Variants in SUPT4H1 observed in about 807,000 individuals in gnomAD.
SUPT4H1 encodes the protein SPT4 homolog, DSIF elongation factor subunit.
In SUPT4H1, 12 loss-of-function variants were observed where a neutral mutation model predicts 19.4. That is an observed-to-expected ratio of 0.62 (90% CI 0.40 to 1.00). The LOEUF (loss-of-function observed/expected upper bound fraction) is 1.00. Among genes scored for constraint, SUPT4H1 ranks in the 50% least tolerant of loss-of-function variants. SUPT4H1 has a pLI of 0.00. For synonymous variants in SUPT4H1, 58 were observed against 56.3 expected, an observed-to-expected ratio of 1.03 and a Z score of -0.14; for missense variants, 115 against 149.2, an observed-to-expected ratio of 0.77 and a Z score of 1.19.
intron 1 of SUPT4H1, 25 bp downstream of exon 1, chr17:58,352,042 C>T (rs1972547593): frequency 6.2e-7 from 1 of 1,613,884 alleles, no homozygotes; most frequent in African/African-American, 1.3e-5. Context: ...CCCATGGGCC[C>T]TACAACCAGG....
chr17:58,347,071 C>G, intron 4 of SUPT4H1, 117 bp downstream of exon 4: 2 of 1,001,762 alleles, frequency 2.0e-6, no homozygotes, highest in African/African-American at 1.6e-5. Flanking sequence ...GTGCCTGGTT[C>G]CCCCCATCTG....
intron 1 of SUPT4H1, chr17:58,351,718 T>C: frequency 1.7e-6 from 1 of 580,560 alleles, no homozygotes. Flanking sequence ...TTCCGTTTTA[T>C]CTATTCCTTT....
At chr17:58,347,382 G>C in intron 3 of SUPT4H1, 141 bp from the exon 4 acceptor site, 1 of 1,316,890 alleles carries the variant, frequency 7.6e-7, no homozygotes, top group Admixed American at 1.7e-5. Flanking sequence ...AAATGACAAG[G>C]CACAGGACAC....
At position 58,347,564 on chromosome 17, in the gene SUPT4H1, G is replaced by C. The variant is rs1972338909; in HGVS notation, c.197C>G (p.Pro66Arg). ...SFDGIIAMMS[P>R]EDSWVSKWQR... ...CCACTTGGAGACCCAGCTGTCCTCT[G>C]GACTCATCATCGCAATGATTCTAGG... The change falls in exon 3 of 5, where the codon CCA (proline) becomes CGA (arginine). Residue 66 changes from proline (P) to arginine (R), a missense_variant. By Grantham distance (103) the Pro-to-Arg change is moderately radical. Coordinates refer to ENST00000225504, the MANE Select transcript of SUPT4H1 (RefSeq NM_003168.3). The C allele has an allele frequency of 6.2e-7, 1 of 1,614,154 alleles. No individual in the cohort carries two copies. The highest frequency in any genetic ancestry group is 8.5e-7 in the Non-Finnish European group (1 of 1,180,024).
chr17:58,351,368 G>A, intron 2 of SUPT4H1, 34 bp downstream of exon 2: 10 of 1,482,374 alleles, frequency 6.7e-6, no homozygotes, highest in Non-Finnish European at 9.4e-6. Flanking sequence ...GTTGGGTAAT[G>A]CAGAAGTGAA....
Position 58,346,048 on chromosome 17 carries a change from C to G in SUPT4H1, c.*198G>C. ...CTCTCCTCAATTCCATCTGTTAATC[C>G]ACCAACCCAAATCCCTCCCACCCCA... On this transcript the variant is annotated 3_prime_UTR_variant, in exon 5 of 5. Coordinates refer to ENST00000225504, the MANE Select transcript of SUPT4H1 (RefSeq NM_003168.3). 1 of 546,872 alleles carries G rather than the reference C, an allele frequency of 1.8e-6. No individual in the cohort carries two copies. 33.9% of individuals were successfully genotyped at this position (546,872 alleles called of 1,614,324 possible). A position where few individuals can be genotyped will look rare whatever the true frequency, so the allele number is the denominator to read the frequency against.
At chr17:58,348,629 C>G (rs1456951512) in intron 2 of SUPT4H1, among the ~76,000 whole-genome samples, 1 of 152,188 alleles carries the variant, frequency 6.6e-6, no homozygotes, top group African/African-American at 2.4e-5. Context: ...TTAACCTAAA[C>G]AGAATTCCCA....
At chr17:58,350,446 G>C (rs1972456418) in intron 2 of SUPT4H1, among the ~76,000 whole-genome samples, 1 of 151,746 alleles carries the variant, frequency 6.6e-6, no homozygotes, top group African/African-American at 2.4e-5. Context: ...GGGAGGCGGA[G>C]GTTGCAGTGA....
chr17:58,351,427 CAT>C lies in SUPT4H1; in HGVS notation c.149_150del (p.Tyr50Ter). On this transcript the variant is annotated frameshift_variant, in exon 2 of 5. Coordinates refer to ENST00000225504, the MANE Select transcript of SUPT4H1 (RefSeq NM_003168.3). LOFTEE classifies it high-confidence loss of function. ...LQMKGNREMV[Y>X]DCTSSSFDGI... ...CCATCAAAGGAAGAGCTAGTGCAGT[CAT>C]ATACCATCTCTCGGTTACCCTTCAT... 6.2e-7 allele frequency: 1 copy of C among 1,613,748 alleles called. No homozygotes were observed. Among genetic ancestry groups the C allele is most frequent in the South Asian group, 1.1e-5 (1 of 91,040 alleles).
chr17:58,347,286 A>G, intron 3 of SUPT4H1, 45 bp from the exon 4 acceptor site: 1 of 1,600,404 alleles, frequency 6.2e-7, no homozygotes, highest in Non-Finnish European at 8.6e-7. Flanking sequence ...GAAGTTAGTT[A>G]AGACTCAAGA....
intron 1 of SUPT4H1, 185 bp downstream of exon 1, chr17:58,351,882 C>A: frequency 1.6e-6 from 1 of 638,328 alleles, no homozygotes. Context: ...CGCCCCTGCC[C>A]TCAGCTGCAA....
In SUPT4H1 at chr17:58,347,512, G is replaced by C. The variant is rs941239693; in HGVS notation, c.232+17C>G. The C allele has an allele frequency of 6.2e-7, 1 of 1,613,990 alleles. No homozygotes were observed. Among genetic ancestry groups the C allele is most frequent in the Non-Finnish European group, 8.5e-7 (1 of 1,179,970 alleles). On this transcript the variant is annotated intron_variant, in intron 3 of 4. Coordinates refer to ENST00000225504, the MANE Select transcript of SUPT4H1 (RefSeq NM_003168.3). ...CAACACTACAACTAAGCCAAAAGGA[G>C]ACAGGCCAACACTTACTGACTCGCT...
chr17:58,348,453 C>T (rs556653137), intron 2 of SUPT4H1, among the ~76,000 whole-genome samples: 81 of 152,200 alleles, frequency 5.3e-4, no homozygotes, highest in Non-Finnish European at 7.1e-4. Flanking sequence ...TAAGTGGAAC[C>T]GACCCTACCT....
At chr17:58,346,557 C>CA (rs1464440649) in intron 4 of SUPT4H1, among the ~76,000 whole-genome samples, 2 of 151,668 alleles carry the variant, frequency 1.3e-5, no homozygotes, top group African/African-American at 2.4e-5. Context: ...CCCATCTCTA[C>CA]AAAAAAATTT....
chr17:58,347,494 A>G (rs1972335667), intron 3 of SUPT4H1, 35 bp downstream of exon 3: 2 of 1,613,134 alleles, frequency 1.2e-6, no homozygotes, highest in Non-Finnish European at 1.7e-6. Context: ...TAACAACACT[A>G]CAACTAAGCC....
intron 2 of SUPT4H1, among the ~76,000 whole-genome samples, chr17:58,349,671 A>T (rs778569075): frequency 2.6e-5 from 4 of 152,266 alleles, no homozygotes; most frequent in Non-Finnish European, 5.9e-5. Context: ...GCAGCAGAAC[A>T]TGCTATACAC....
chr17:58,347,644 T>C, intron 2 of SUPT4H1, 60 bp from the exon 3 acceptor site: 3 of 1,552,868 alleles, frequency 1.9e-6, no homozygotes, highest in Non-Finnish European at 2.7e-6. Context: ...AGCTCAATTC[T>C]GAGAGAGGAA....
rs1351702880 is a variant in SUPT4H1 at position 58,346,183 on chromosome 17, C to T, written c.*63G>A. ...ATTTGAAGTTCTGTTCATTTAGTTCCAGAACAAGAAATAAGCAGAGGCAGG... is the reference window on the plus strand; with the variant it reads ...ATTTGAAGTTCTGTTCATTTAGTTCTAGAACAAGAAATAAGCAGAGGCAGG... On this transcript the variant is annotated 3_prime_UTR_variant, in exon 5 of 5. Transcript: ENST00000225504. 4 of 1,383,914 alleles carry T rather than the reference C, an allele frequency of 2.9e-6. No individual in the cohort carries two copies. The East Asian group carries it at 9.1e-5, about 32-fold the overall frequency. The allele number at this position is 1,383,914 out of a possible 1,614,324, so 85.7% of individuals were successfully genotyped here.
chr17:58,347,627 G>A, intron 2 of SUPT4H1, 43 bp from the exon 3 acceptor site: 1 of 1,583,986 alleles, frequency 6.3e-7, no homozygotes, highest in Non-Finnish European at 8.7e-7. Context: ...GAGCCTCCCT[G>A]GGCCTGAGCT....
Sources: gnomAD v4.1 joint callset for allele counts (sites outside exome capture counted in the v4.1 genomes callset) on GRCh38, gnomAD v4.1.1 for gene constraint, MANE v1.5 for transcripts, NCBI Gene and HGNC (gene_info 2026-07-23, HGNC 2026-07-21) for gene names.